The following FBXL7 variants were observed in gnomAD, a reference collection of about 807,000 sequenced individuals.
The protein encoded by FBXL7 is F-box and leucine rich repeat protein 7.
In FBXL7, 12 loss-of-function variants were observed where a neutral mutation model predicts 38.3. The observed-to-expected ratio is 0.31, with a 90% CI of 0.20 to 0.51. The LOEUF is 0.51. Ranked by LOEUF, FBXL7 falls within the 20% of genes least tolerant of loss-of-function variation. The pLI, the probability that FBXL7 is intolerant of heterozygous loss-of-function variation, is 0.98. For synonymous variants in FBXL7, 297 were observed against 300.9 expected, an observed-to-expected ratio of 0.99 and a Z score of 0.13; for missense variants, 567 against 676.4, an observed-to-expected ratio of 0.84 and a Z score of 1.79.
intron 2 of FBXL7, among the ~76,000 whole-genome samples, chr5:15,737,036 A>G (rs1054383792): frequency 6.6e-6 from 1 of 152,146 alleles, no homozygotes; most frequent in Non-Finnish European, 1.5e-5. Flanking sequence ...CACTGAGGAA[A>G]TGGTAGCACA....
At chr5:15,711,739 T>C (rs899876563) in intron 2 of FBXL7, among the ~76,000 whole-genome samples, 7 of 152,108 alleles carry the variant, frequency 4.6e-5, no homozygotes, top group South Asian at 2.1e-4. Flanking sequence ...TCCTGAAAGA[T>C]TGAAATCCTG....
chr5:15,723,507 A>C (rs1245261669), intron 2 of FBXL7, among the ~76,000 whole-genome samples: 1 of 152,174 alleles, frequency 6.6e-6, no homozygotes, highest in Non-Finnish European at 1.5e-5. Flanking sequence ...AAATACTCCT[A>C]CAGTTGCTAA....
intron 2 of FBXL7, among the ~76,000 whole-genome samples, chr5:15,756,953 G>C (rs977708176): frequency 6.6e-6 from 1 of 152,126 alleles, no homozygotes; most frequent in Non-Finnish European, 1.5e-5. Context: ...GTAAAAATCA[G>C]GGCCAATAGT....
At chr5:15,669,520 C>A (rs139755252) in intron 2 of FBXL7, among the ~76,000 whole-genome samples, 3 of 152,298 alleles carry the variant, frequency 2.0e-5, no homozygotes, top group Admixed American at 2.0e-4. Flanking sequence ...TGTGACTCTT[C>A]ATTGGCTTTG....
At chr5:15,668,162 CTTAG>C (rs1742346604) in intron 2 of FBXL7, among the ~76,000 whole-genome samples, 2 of 152,168 alleles carry the variant, frequency 1.3e-5, no homozygotes, top group Non-Finnish European at 2.9e-5. Flanking sequence ...ATTCTAACTC[CTTAG>C]TTAGGCACAA....
At chr5:15,519,846 A>G (rs1366309282) in intron 1 of FBXL7, among the ~76,000 whole-genome samples, 1 of 152,166 alleles carries the variant, frequency 6.6e-6, no homozygotes, top group South Asian at 2.1e-4. Flanking sequence ...TCCAGACCCT[A>G]AGAGAAGGTT....
chr5:15,796,204 A>T (rs1480593341), intron 2 of FBXL7, among the ~76,000 whole-genome samples: 1 of 152,238 alleles, frequency 6.6e-6, no homozygotes, highest in Non-Finnish European at 1.5e-5. Flanking sequence ...TGATAAGAGC[A>T]CAATTTCCAA....
At chr5:15,846,749 G>C (rs745797977) in intron 2 of FBXL7, among the ~76,000 whole-genome samples, 39 of 152,210 alleles carry the variant, frequency 2.6e-4, no homozygotes, top group Non-Finnish European at 5.3e-4. Context: ...AGAGAGAATA[G>C]TTGTAACAGA....
At chr5:15,529,270 A>G (rs1049276037) in intron 1 of FBXL7, among the ~76,000 whole-genome samples, 4 of 152,234 alleles carry the variant, frequency 2.6e-5, no homozygotes, top group Admixed American at 1.3e-4. Flanking sequence ...GAAAGGCTGA[A>G]GAGTATTCCA....
chr5:15,717,857 A>G (rs1744086189), intron 2 of FBXL7, among the ~76,000 whole-genome samples: 1 of 152,234 alleles, frequency 6.6e-6, no homozygotes. Context: ...ATCTTTGATC[A>G]GATTCTGGAT....
intron 2 of FBXL7, among the ~76,000 whole-genome samples, chr5:15,773,118 T>C (rs1218849012): frequency 6.6e-6 from 1 of 152,096 alleles, no homozygotes; most frequent in Non-Finnish European, 1.5e-5. Flanking sequence ...CTGGTTGTTT[T>C]AAACTCTGAG....
intron 2 of FBXL7, among the ~76,000 whole-genome samples, chr5:15,826,774 T>C (rs1203318615): frequency 6.6e-6 from 1 of 152,184 alleles, no homozygotes; most frequent in Non-Finnish European, 1.5e-5. Flanking sequence ...CCCTGAGACC[T>C]AGTCGTATGC....
At chr5:15,507,976 G>A (rs1736692054) in intron 1 of FBXL7, among the ~76,000 whole-genome samples, 1 of 151,802 alleles carries the variant, frequency 6.6e-6, no homozygotes, top group Non-Finnish European at 1.5e-5. Flanking sequence ...CTGGGAGGTG[G>A]AGGTTGCAGT....
At chr5:15,782,073 C>G (rs2126721922) in intron 2 of FBXL7, among the ~76,000 whole-genome samples, 1 of 152,244 alleles carries the variant, frequency 6.6e-6, no homozygotes, top group Non-Finnish European at 1.5e-5. Context: ...TTAGTGAAAA[C>G]ATGCAGTGTT....
intron 2 of FBXL7, among the ~76,000 whole-genome samples, chr5:15,814,522 C>T (rs1429064549): frequency 1.3e-5 from 2 of 151,650 alleles, no homozygotes; most frequent in African/African-American, 2.4e-5. Context: ...ACATGTATAC[C>T]TATGTAATCT....
chr5:15,655,125 T>C (rs1226653934), intron 2 of FBXL7, among the ~76,000 whole-genome samples: 1 of 152,234 alleles, frequency 6.6e-6, no homozygotes, highest in Non-Finnish European at 1.5e-5. Flanking sequence ...CATTTGAACA[T>C]CCTTGTGTCT....
intron 2 of FBXL7, among the ~76,000 whole-genome samples, chr5:15,733,283 G>A (rs551916445): frequency 5.7e-4 from 86 of 152,192 alleles, no homozygotes; most frequent in African/African-American, 2.0e-3. Flanking sequence ...AGTAGAGACG[G>A]GGTTTCACCA....
Position 15,622,234 on chromosome 5 carries a change from T to A in FBXL7, c.127+6162T>A, listed in dbSNP as rs183091447. Reference sequence around the variant, plus strand: ...ATAGAAAGGATATAAACCAAATGCTTGGGCAGGACTTTTCTTTTTTATTTT... The same window carrying A: ...ATAGAAAGGATATAAACCAAATGCTAGGGCAGGACTTTTCTTTTTTATTTT... On this transcript the variant is annotated intron_variant, in intron 2 of 3. Transcript: ENST00000504595. Among the ~76,000 whole-genome samples the A allele has an allele frequency of 7.9e-5, 12 of 151,850 alleles. No individual in the cohort carries two copies. The East Asian group carries it at 2.1e-3, about 27-fold the overall frequency.
intron 2 of FBXL7, among the ~76,000 whole-genome samples, chr5:15,777,652 T>C (rs1003475324): frequency 2.8e-5 from 4 of 143,374 alleles, no homozygotes; most frequent in Admixed American, 7.3e-5. Context: ...TTTTGGGTCC[T>C]AGGAGACACA....
Sources: allele counts gnomAD v4.1 joint callset (sites outside exome capture counted in the v4.1 genomes callset), GRCh38; gene constraint gnomAD v4.1.1; transcripts MANE v1.5; gene names NCBI Gene and HGNC (gene_info 2026-07-23, HGNC 2026-07-21).